The following ANKRD44 variants were observed in gnomAD, a reference collection of about 807,000 sequenced individuals.
ANKRD44 encodes the protein serine/threonine-protein phosphatase 6 regulatory ankyrin repeat subunit B.
ANKRD44 carries 35 observed loss-of-function variants against 116.0 expected under a neutral mutation model. That is an observed-to-expected ratio of 0.30 (90% CI 0.23 to 0.40). The LOEUF is 0.40. Ranked by LOEUF, ANKRD44 falls within the 10% of genes least tolerant of loss-of-function variation. The pLI is 1.00. For synonymous variants in ANKRD44, 435 were observed against 461.8 expected, an observed-to-expected ratio of 0.94 and a Z score of 0.74; for missense variants, 1,014 against 1,242.6, an observed-to-expected ratio of 0.82 and a Z score of 2.77.
intron 1 of ANKRD44, among the ~76,000 whole-genome samples, chr2:197,234,907 A>G (rs926556484): frequency 6.6e-6 from 1 of 152,174 alleles, no homozygotes. Flanking sequence ...GGGCGAACTC[A>G]ATGGAGCCTT....
intron 19 of ANKRD44, among the ~76,000 whole-genome samples, chr2:197,008,631 A>G (rs777746369): frequency 6.6e-6 from 1 of 152,222 alleles, no homozygotes; most frequent in Non-Finnish European, 1.5e-5. Flanking sequence ...GCAATGGTGT[A>G]GCAGCTTCAG....
intron 1 of ANKRD44, among the ~76,000 whole-genome samples, chr2:197,277,767 C>G (rs2083133971): frequency 6.6e-6 from 1 of 152,162 alleles, no homozygotes; most frequent in Non-Finnish European, 1.5e-5. Flanking sequence ...CAAAGCTTCA[C>G]TTCCATCTTG....
At chr2:197,186,746 C>A (rs1443721437) in intron 2 of ANKRD44, among the ~76,000 whole-genome samples, 1 of 148,346 alleles carries the variant, frequency 6.7e-6, no homozygotes, top group African/African-American at 2.5e-5. Flanking sequence ...TAGGCATGAA[C>A]CACTGCGCCC....
At position 197,172,459 on chromosome 2, in the gene ANKRD44, C is replaced by T. The variant is rs187101671; in HGVS notation, c.111+14564G>A. ...GTAAGAGCCCTGGCTACACCAGGAA[C>T]GTGCAGTGATGGAACATTTCTACCT... On this transcript the variant is annotated intron_variant, in intron 2 of 27. Coordinates refer to ENST00000282272, the MANE Select transcript of ANKRD44 (RefSeq NM_001195144.2). Among the ~76,000 whole-genome samples the T allele has an allele frequency of 5.0e-3, 759 of 152,276 alleles. 4 individuals are homozygous for T. The highest frequency in any genetic ancestry group is 7.7e-3 in the Non-Finnish European group (521 of 68,028).
intron 1 of ANKRD44, among the ~76,000 whole-genome samples, chr2:197,277,915 T>A (rs150720019): frequency 1.3e-5 from 2 of 152,304 alleles, no homozygotes; most frequent in East Asian, 3.9e-4. Context: ...CTGACGCTAA[T>A]GAGCCACAAA....
chr2:197,124,240 C>T (rs2078925961), intron 6 of ANKRD44, among the ~76,000 whole-genome samples: 1 of 152,084 alleles, frequency 6.6e-6, no homozygotes, highest in Admixed American at 6.5e-5. Context: ...CTCAGACCCA[C>T]CTTTAGCCAC....
At chr2:197,273,456 C>G (rs1299606950) in intron 1 of ANKRD44, among the ~76,000 whole-genome samples, 2 of 152,210 alleles carry the variant, frequency 1.3e-5, no homozygotes, top group African/African-American at 4.8e-5. Flanking sequence ...ATTTGATGTG[C>G]TAAAAAGCCA....
At position 196,989,335 on chromosome 2, in the gene ANKRD44, G is replaced by T; in HGVS notation, c.*256C>A. 9.7e-7 allele frequency: 1 copy of T among 1,030,332 alleles called. No individual in the cohort carries two copies. The highest frequency in any genetic ancestry group is 1.2e-6 in the Non-Finnish European group (1 of 861,020). 63.8% of individuals were successfully genotyped at this position (1,030,332 alleles called of 1,614,324 possible). ...GTTACAAATGTTAAGTGGTCAACTA[G>T]AAATCTGTGTCCTAAGAAATATAAA... On this transcript the variant is annotated 3_prime_UTR_variant, in exon 28 of 28. Transcript: ENST00000282272.
At chr2:197,080,786 G>A (rs987660141) in intron 15 of ANKRD44, among the ~76,000 whole-genome samples, 1 of 152,014 alleles carries the variant, frequency 6.6e-6, no homozygotes, top group Non-Finnish European at 1.5e-5. Flanking sequence ...ACAGGCATTC[G>A]GGCCACAGAA....
chr2:197,125,882 C>A lies in ANKRD44; in HGVS notation c.417G>T (p.Gly139=). 1 of 1,614,194 alleles carries A rather than the reference C, an allele frequency of 6.2e-7. No homozygotes were observed. Among genetic ancestry groups the A allele is most frequent in the East Asian group, 2.2e-5 (1 of 44,882 alleles). The change falls in exon 5 of 28, where the codon GGG becomes GGT. Residue 139 remains glycine, a synonymous_variant. Transcript: ENST00000282272. The part of the protein sequence containing the change: ...LLSSVNVSDR[G]GRTALHHAAL... ...CCGCATGGTGCAAGGCTGTGCGCCC[C>A]CCTCGGTCGGAGACATTGACACTGC...
chr2:196,982,227 C>T (rs2075807219), downstream of ANKRD44, among the ~76,000 whole-genome samples: 1 of 150,708 alleles, frequency 6.6e-6, no homozygotes, highest in Non-Finnish European at 1.5e-5. Flanking sequence ...AGGGCAGTTT[C>T]CAGTGTGTCC....
At chr2:197,235,364 A>C (rs35727699) in intron 1 of ANKRD44, among the ~76,000 whole-genome samples, 24,047 of 152,124 alleles carry the variant, frequency 0.16, 2,427 homozygotes, top group African/African-American at 0.29. Flanking sequence ...CGCCTGTAAT[A>C]CCAGCACTGT....
chr2:197,155,668 T>A (rs1302230783), intron 2 of ANKRD44, among the ~76,000 whole-genome samples: 1 of 151,948 alleles, frequency 6.6e-6, no homozygotes, highest in Non-Finnish European at 1.5e-5. Flanking sequence ...AAAAATTAAA[T>A]CAAAATGGAT....
intron 1 of ANKRD44, among the ~76,000 whole-genome samples, chr2:197,304,451 T>A (rs1380174846): frequency 6.6e-6 from 1 of 152,182 alleles, no homozygotes; most frequent in African/African-American, 2.4e-5. Context: ...GCTGTTTGAC[T>A]TTGTTACCTG....
At chr2:197,061,535 T>C (rs1247834674) in intron 16 of ANKRD44, among the ~76,000 whole-genome samples, 1 of 152,194 alleles carries the variant, frequency 6.6e-6, no homozygotes, top group Non-Finnish European at 1.5e-5. Context: ...GGGTGTCCTG[T>C]GTTCACCATG....
At chr2:197,291,593 G>A (rs1183527156) in intron 1 of ANKRD44, among the ~76,000 whole-genome samples, 3 of 152,196 alleles carry the variant, frequency 2.0e-5, no homozygotes, top group Non-Finnish European at 4.4e-5. Flanking sequence ...AATTCTGCAT[G>A]AGAAAGTGGA....
At chr2:197,299,426 C>T (rs1309315127) in intron 1 of ANKRD44, 1 of 152,154 alleles carries the variant, frequency 6.6e-6, no homozygotes, top group Non-Finnish European at 1.5e-5. Context: ...AATATGGAAC[C>T]AGCTCAAATG....
chr2:197,262,026 T>A (rs1415591562), intron 1 of ANKRD44, among the ~76,000 whole-genome samples: 1 of 152,236 alleles, frequency 6.6e-6, no homozygotes, highest in African/African-American at 2.4e-5. Context: ...ATGTATGATA[T>A]GTGCTAGGCT....
chr2:197,164,869 G>A (rs1357092703), intron 2 of ANKRD44, among the ~76,000 whole-genome samples: 2 of 151,914 alleles, frequency 1.3e-5, no homozygotes, highest in African/African-American at 2.4e-5. Context: ...CCATCTCTGA[G>A]GATGGCAGTA....
Sources: allele counts gnomAD v4.1 joint callset (sites outside exome capture counted in the v4.1 genomes callset), GRCh38; gene constraint gnomAD v4.1.1; transcripts MANE v1.5; gene names NCBI Gene and HGNC (gene_info 2026-07-23, HGNC 2026-07-21).